The following NAP1L1 variants were observed in gnomAD, a reference collection of about 807,000 sequenced individuals.
NAP1L1 encodes nucleosome assembly protein 1 like 1.
NAP1L1 carries 9 observed loss-of-function variants against 58.9 expected under a neutral mutation model. The observed-to-expected ratio is 0.15, with a 90% CI of 0.09 to 0.27. NAP1L1 has a LOEUF of 0.27. Among genes scored for constraint, NAP1L1 ranks in the 10% least tolerant of loss-of-function variants. NAP1L1 has a pLI of 1.00. For synonymous variants in NAP1L1, 130 were observed against 138.3 expected, an observed-to-expected ratio of 0.94 and a Z score of 0.42; for missense variants, 302 against 458.8, an observed-to-expected ratio of 0.66 and a Z score of 3.12.
rs1362136721 is a variant in NAP1L1 at position 76,042,415 on chromosome 12, A to G, written c.*6014T>C. ...TCTAAAGCCTGTGTTTAAAGACACT[A>G]CCCAAAGACACTACTTGTATTCTCA... is the stretch of plus-strand genomic sequence containing the variant. On this transcript the variant is annotated 3_prime_UTR_variant, in exon 15 of 15. Coordinates refer to ENST00000618691, the MANE Select transcript of NAP1L1 (RefSeq NM_004537.7). 6.6e-6 allele frequency: 1 copy of G among 151,724 alleles called. No homozygotes were observed. Among genetic ancestry groups the G allele is most frequent in the Non-Finnish European group, 1.5e-5 (1 of 68,000 alleles). 9.4% of individuals were successfully genotyped at this position (151,724 alleles called of 1,614,324 possible).
rs749433107 is a variant in NAP1L1, at chr12:76,042,904, C to G, written c.*5525G>C. 4.6e-5 allele frequency: 7 copies of G among 152,090 alleles called. No homozygotes were observed. The highest frequency in any genetic ancestry group is 7.4e-5 in the Non-Finnish European group (5 of 68,024). 9.4% of individuals were successfully genotyped at this position (152,090 alleles called of 1,614,324 possible). A position where few individuals can be genotyped will look rare whatever the true frequency, so the allele number is the denominator to read the frequency against. ...TATGTTGATCAGAGTAAAGAATATA[C>G]CGGAATTCTTTCAACTATTTTCAGA... is the stretch of plus-strand genomic sequence containing the variant. On this transcript the variant is annotated 3_prime_UTR_variant, in exon 15 of 15. Coordinates refer to ENST00000618691, the MANE Select transcript of NAP1L1 (RefSeq NM_004537.7).
chr12:76,057,183 C>T (rs1188629032), intron 6 of NAP1L1: 1 of 208,178 alleles, frequency 4.8e-6, no homozygotes, highest in Non-Finnish European at 9.7e-6. Flanking sequence ...GTCCTAGCAA[C>T]TTGGGAGGCT....
chr12:76,066,054 A>T (rs1045215221), intron 4 of NAP1L1, among the ~76,000 whole-genome samples: 6 of 134,994 alleles, frequency 4.4e-5, no homozygotes, highest in South Asian at 4.5e-4. Context: ...AATAGTGTTT[A>T]AAAAAAAAAA....
chr12:76,082,349 T>C (rs12303897), intron 1 of NAP1L1, among the ~76,000 whole-genome samples: 3,903 of 152,290 alleles, frequency 0.026, 150 homozygotes, highest in African/African-American at 0.089. Context: ...ACATTAGTTA[T>C]GGTACAGGTA....
At chr12:76,057,798 A>C in intron 6 of NAP1L1, 1 of 1,551,560 alleles carries the variant, frequency 6.4e-7, no homozygotes, top group Non-Finnish European at 8.7e-7. Flanking sequence ...AAGGAACAGC[A>C]GGGGAAGAAG....
chr12:76,068,735 TAC>T (rs35120003), intron 3 of NAP1L1, 172 bp downstream of exon 3: 9,396 of 293,950 alleles, frequency 0.032, 19 homozygotes, highest in Middle Eastern at 0.045. Flanking sequence ...ACCCGCCCCT[TAC>T]ACACACACAC....
chr12:76,056,355 G>A, intron 6 of NAP1L1, 194 bp from the exon 7 acceptor site: 1 of 523,988 alleles, frequency 1.9e-6, no homozygotes, highest in Non-Finnish European at 3.4e-6. Flanking sequence ...CCTCCAAAGA[G>A]AACCACTAAG....
At chr12:76,051,495 G>C (rs954514579) in intron 11 of NAP1L1, among the ~76,000 whole-genome samples, 1 of 152,134 alleles carries the variant, frequency 6.6e-6, no homozygotes, top group Non-Finnish European at 1.5e-5. Flanking sequence ...AATCCCAAAT[G>C]AGACAGTCCT....
In NAP1L1 at chr12:76,039,524, G is replaced by A. The variant is rs1948530820; in HGVS notation, c.*8905C>T. ...AATAAATACAAACTCTTCAGGGCAGGGGAGAGAAAAAGGAAAGATTATCTG... is the reference window on the plus strand; with the variant it reads ...AATAAATACAAACTCTTCAGGGCAGAGGAGAGAAAAAGGAAAGATTATCTG... On this transcript the variant is annotated 3_prime_UTR_variant, in exon 15 of 15. Transcript: ENST00000618691. 1 of 152,104 alleles carries A rather than the reference G, an allele frequency of 6.6e-6. No individual in the cohort carries two copies. Among genetic ancestry groups the A allele is most frequent in the Non-Finnish European group, 1.5e-5 (1 of 68,022 alleles). 9.4% of individuals were successfully genotyped at this position (152,104 alleles called of 1,614,324 possible). A position where few individuals can be genotyped will look rare whatever the true frequency, so the allele number is the denominator to read the frequency against.
chr12:76,079,632 T>G (rs1322166989), intron 1 of NAP1L1, among the ~76,000 whole-genome samples: 1 of 151,812 alleles, frequency 6.6e-6, no homozygotes, highest in Non-Finnish European at 1.5e-5. Flanking sequence ...ACATATATGG[T>G]GTGTATAAGA....
intron 7 of NAP1L1, 104 bp downstream of exon 7, chr12:76,055,915 TTCAAAAGTAAGCAA>T: frequency 9.4e-7 from 1 of 1,067,928 alleles, no homozygotes; most frequent in Non-Finnish European, 1.4e-6. Flanking sequence ...TATTAGCTAT[TTCAAAAGTAAGCAA>T]TCATTCTAGA....
chr12:76,071,172 T>A (rs192792493), intron 2 of NAP1L1, among the ~76,000 whole-genome samples: 18 of 152,304 alleles, frequency 1.2e-4, no homozygotes, highest in Admixed American at 2.0e-4. Flanking sequence ...GAGGGCCAAC[T>A]GCAGTTAGAG....
At chr12:76,052,981 T>C (rs1257351725) in intron 11 of NAP1L1, 110 bp downstream of exon 11, 5 of 979,068 alleles carry the variant, frequency 5.1e-6, no homozygotes, top group African/African-American at 3.3e-5. Flanking sequence ...CCATGCATTG[T>C]AGGCCTCAGA....
At chr12:76,058,178 A>C in intron 6 of NAP1L1, 2 of 547,354 alleles carry the variant, frequency 3.7e-6, no homozygotes, top group Non-Finnish European at 3.4e-6. Flanking sequence ...GATATGGCCA[A>C]AGGGAGAGAG....
rs561746617 is a variant in NAP1L1 at position 76,083,296 on chromosome 12, AAAGG to A, written c.-21+1267_-21+1270del. Among the ~76,000 whole-genome samples the A allele has an allele frequency of 2.7e-3, 405 of 152,238 alleles. 1 individual carries two copies. Among genetic ancestry groups the A allele is most frequent in the African/African-American group, 9.3e-3 (388 of 41,528 alleles). Reference sequence around the variant, plus strand: ...AGTATCTTATTCTAGTGACTTCAATAAAGGAACTAATTTATAAGACAGCCAAGAA... The same window carrying A: ...AGTATCTTATTCTAGTGACTTCAATAAACTAATTTATAAGACAGCCAAGAA... On this transcript the variant is annotated intron_variant, in intron 1 of 14. Coordinates refer to ENST00000618691, the MANE Select transcript of NAP1L1 (RefSeq NM_004537.7).
At chr12:76,065,381 A>C (rs1949614406) in intron 4 of NAP1L1, among the ~76,000 whole-genome samples, 1 of 152,110 alleles carries the variant, frequency 6.6e-6, no homozygotes, top group African/African-American at 2.4e-5. Flanking sequence ...AAGTCCTGGT[A>C]ATGTTGTAAA....
chr12:76,079,470 A>C (rs1368372390), intron 1 of NAP1L1, among the ~76,000 whole-genome samples: 1 of 152,204 alleles, frequency 6.6e-6, no homozygotes, highest in Non-Finnish European at 1.5e-5. Flanking sequence ...ACTGCACTTC[A>C]ACATACCTCC....
intron 1 of NAP1L1, among the ~76,000 whole-genome samples, chr12:76,077,821 T>C (rs1257173971): frequency 6.6e-6 from 1 of 151,242 alleles, no homozygotes; most frequent in Non-Finnish European, 1.5e-5. Context: ...CAGTCTCTAC[T>C]AAAATACAAA....
At chr12:76,067,236 T>C (rs1287331680) in intron 4 of NAP1L1, 135 bp downstream of exon 4, 16 of 606,006 alleles carry the variant, frequency 2.6e-5, no homozygotes, top group Non-Finnish European at 4.2e-5. Flanking sequence ...TTTAAACTTC[T>C]AATAATCCTA....
Sources: gnomAD v4.1 joint callset for allele counts (sites outside exome capture counted in the v4.1 genomes callset) on GRCh38, gnomAD v4.1.1 for gene constraint, MANE v1.5 for transcripts, NCBI Gene and HGNC (gene_info 2026-07-23, HGNC 2026-07-21) for gene names.